The following PCDHGA4 variants were observed in gnomAD, a reference collection of about 807,000 sequenced individuals.
PCDHGA4 encodes the protein protocadherin gamma-A4.
A neutral mutation model predicts 54.6 loss-of-function variants in PCDHGA4; 38 were observed. The observed-to-expected ratio is 0.70, with a 90% confidence interval of 0.54 to 0.91. PCDHGA4 has a LOEUF of 0.91. Ranked by LOEUF, PCDHGA4 falls within the 40% of genes least tolerant of loss-of-function variation. PCDHGA4 has a pLI of 0.00. For missense variants in PCDHGA4, 1,298 were observed against 1,220.9 expected, an observed-to-expected ratio of 1.06 and a Z score of -0.94; for synonymous variants, 511 against 512.9, an observed-to-expected ratio of 1.00 and a Z score of 0.05.
chr5:141,387,717 C>T (rs2091056709), intron 1 of PCDHGA4: 1 of 1,093,268 alleles, frequency 9.1e-7, no homozygotes, highest in African/African-American at 1.6e-5. Context: ...CCAGCTCAGA[C>T]TCCCCAGCGC....
rs549713754 is a variant in PCDHGA4 at position 141,365,181 on chromosome 5, A to C, written c.2514+7560A>C. On this transcript the variant is annotated intron_variant, in intron 1 of 3. Coordinates refer to ENST00000571252, the MANE Select transcript of PCDHGA4 (RefSeq NM_018917.4). ...AAATTGACCTACTCTTTTCGCAATG[A>C]AGAAGAAAAAATTTCGGAGACTTTC... 46 of 1,613,864 alleles carry C rather than the reference A, an allele frequency of 2.9e-5. No homozygotes were observed. In the South Asian group the frequency reaches 3.8e-4, roughly 13 times the overall value.
Position 141,489,533 on chromosome 5 carries a change from C to G in PCDHGA4, c.2515-5274C>G, listed in dbSNP as rs754586925. The G allele has an allele frequency of 6.2e-7, 1 of 1,614,086 alleles. No individual in the cohort carries two copies. The highest frequency in any genetic ancestry group is 1.7e-5 in the Admixed American group (1 of 60,030). ...ATTGACCGAGAAAGCCTATGTGGAG[C>G]CAGCACCAGCTGCCTGCTGCCAGTG... On this transcript the variant is annotated intron_variant, in intron 1 of 3. Coordinates refer to ENST00000571252, the MANE Select transcript of PCDHGA4 (RefSeq NM_018917.4). The surrounding 1 kb of genome is among the most constrained non-coding windows in gnomAD (Gnocchi z 4.5).
rs919375073 is a variant in PCDHGA4 at position 141,490,642 on chromosome 5, C to A, written c.2515-4165C>A. On this transcript the variant is annotated intron_variant, in intron 1 of 3. Coordinates refer to ENST00000571252, the MANE Select transcript of PCDHGA4 (RefSeq NM_018917.4). This position sits in a 1 kb window ranked among gnomAD's most constrained non-coding sequence, Gnocchi z 5.4. ...CACTGCTTACATCCTAGAAAACCGG[C>A]CTCCGGGCTCCCTTCTTTGCACTGT... 4.3e-6 allele frequency: 7 copies of A among 1,614,102 alleles called. No individual in the cohort carries two copies. In the African/African-American group the frequency reaches 6.7e-5, roughly 15 times the overall value.
At chr5:141,419,306 C>T in intron 1 of PCDHGA4, 1 of 1,614,032 alleles carries the variant, frequency 6.2e-7, no homozygotes, top group Non-Finnish European at 8.5e-7. Context: ...AGACTTCGGG[C>T]TCAACGGCCG....
chr5:141,380,568 A>T (rs1449370426), intron 1 of PCDHGA4, among the ~76,000 whole-genome samples: 1 of 152,214 alleles, frequency 6.6e-6, no homozygotes, highest in Admixed American at 6.5e-5. Context: ...TTTATTAAAC[A>T]TATCTTGGCG....
intron 1 of PCDHGA4, chr5:141,427,690 T>TC (rs1331581287): frequency 2.3e-6 from 2 of 881,240 alleles, no homozygotes; most frequent in Non-Finnish European, 3.7e-6. Context: ...GGAGCCTCCA[T>TC]CCCACAAGTC....
At chr5:141,423,228 C>G (rs1321708353) in intron 1 of PCDHGA4, 5 of 1,613,866 alleles carry the variant, frequency 3.1e-6, no homozygotes, top group Non-Finnish European at 2.5e-6. Context: ...CTGTGGCCGA[C>G]AGCATCCCCG....
intron 1 of PCDHGA4, among the ~76,000 whole-genome samples, chr5:141,454,918 C>T (rs1474616925): frequency 6.7e-6 from 1 of 149,344 alleles, no homozygotes; most frequent in Non-Finnish European, 1.5e-5. Context: ...CGCCATTCTC[C>T]TGCCTCAGCC....
At chr5:141,365,918 T>C (rs773521729) in intron 1 of PCDHGA4, 8 of 1,613,992 alleles carry the variant, frequency 5.0e-6, no homozygotes, top group Non-Finnish European at 6.8e-6. Flanking sequence ...AGACCTACAG[T>C]TGTGGGTGAC....
At chr5:141,361,647 C>T (rs749825779) in intron 1 of PCDHGA4, 22 of 1,613,724 alleles carry the variant, frequency 1.4e-5, no homozygotes, top group South Asian at 3.3e-5. Flanking sequence ...TTTTATCCTA[C>T]GTGTCCGTGA....
chr5:141,510,813 C>T, intron 3 of PCDHGA4, 134 bp from the exon 4 acceptor site: 1 of 1,537,024 alleles, frequency 6.5e-7, no homozygotes, highest in South Asian at 1.2e-5. Flanking sequence ...CTTGGTGACC[C>T]CTATATTCCC....
At chr5:141,410,364 C>A in intron 1 of PCDHGA4, 1 of 1,614,064 alleles carries the variant, frequency 6.2e-7, no homozygotes, top group Non-Finnish European at 8.5e-7. Flanking sequence ...TCTCTCAGCC[C>A]TGCTACTTGG....
At position 141,476,789 on chromosome 5, in the gene PCDHGA4, T is replaced by C; in HGVS notation, c.2515-18018T>C. ...GTTGGACGGAGGGACCCCAGCTCTC[T>C]CCGCCAGCCTGCCTATTCACATCAA... On this transcript the variant is annotated intron_variant, in intron 1 of 3. Transcript: ENST00000571252. The surrounding 1 kb of genome is among the most constrained non-coding windows in gnomAD (Gnocchi z 7.6). 1.2e-6 allele frequency: 2 copies of C among 1,613,374 alleles called. No individual in the cohort carries two copies. The highest frequency in any genetic ancestry group is 4.5e-5 in the East Asian group (2 of 44,864).
chr5:141,439,211 A>G (rs1438403213), intron 1 of PCDHGA4, among the ~76,000 whole-genome samples: 1 of 151,666 alleles, frequency 6.6e-6, no homozygotes, highest in Non-Finnish European at 1.5e-5. Flanking sequence ...AAAAATCCAT[A>G]TGTGAAAATT....
chr5:141,440,330 G>A (rs1377511406), intron 1 of PCDHGA4: 1 of 152,162 alleles, frequency 6.6e-6, no homozygotes, highest in Non-Finnish European at 1.5e-5. Context: ...ACTGGGCATG[G>A]TGGTGCAGGC....
chr5:141,442,561 G>C (rs2098332268), intron 1 of PCDHGA4: 1 of 152,198 alleles, frequency 6.6e-6, no homozygotes, highest in African/African-American at 2.4e-5. Context: ...ACTAAGTTCA[G>C]TCACAAGCAG....
chr5:141,486,011 T>C lies in PCDHGA4; in HGVS notation c.2515-8796T>C. The C allele has an allele frequency of 6.2e-7, 1 of 1,614,188 alleles. No individual in the cohort carries two copies. Among genetic ancestry groups the C allele is most frequent in the Non-Finnish European group, 8.5e-7 (1 of 1,180,014 alleles). ...GGGTCCCAGTGGTAACGTCACCTTTTATTTCAGTGGTCATACCCCTGATCG... is the reference window on the plus strand; with the variant it reads ...GGGTCCCAGTGGTAACGTCACCTTTCATTTCAGTGGTCATACCCCTGATCG... On this transcript the variant is annotated intron_variant, in intron 1 of 3. Coordinates refer to ENST00000571252, the MANE Select transcript of PCDHGA4 (RefSeq NM_018917.4). This position sits in a 1 kb window ranked among gnomAD's most constrained non-coding sequence, Gnocchi z 5.0.
chr5:141,419,785 G>T, intron 1 of PCDHGA4: 2 of 1,614,052 alleles, frequency 1.2e-6, no homozygotes, highest in Non-Finnish European at 1.7e-6. Flanking sequence ...GCCAGCGCCT[G>T]CTAGTCGCTG....
chr5:141,378,991 T>C (rs530834817), intron 1 of PCDHGA4: 34 of 152,352 alleles, frequency 2.2e-4, no homozygotes, highest in African/African-American at 7.7e-4. Flanking sequence ...AACTACATTA[T>C]AGTCAAGATT....
Sources: allele counts gnomAD v4.1 joint callset (sites outside exome capture counted in the v4.1 genomes callset), GRCh38; gene constraint gnomAD v4.1.1; non-coding constraint Gnocchi (gnomAD v3.1); transcripts MANE v1.5; gene names NCBI Gene and HGNC (gene_info 2026-07-23, HGNC 2026-07-21).